Variants in FRMPD3 observed in about 807,000 individuals in gnomAD.
FRMPD3 encodes FERM and PDZ domain containing 3.
A neutral mutation model predicts 97.9 loss-of-function variants in FRMPD3; 42 were observed. That is an observed-to-expected ratio of 0.43 (90% CI 0.34 to 0.55). The LOEUF (loss-of-function observed/expected upper bound fraction) is 0.55, where lower values mean the gene tolerates loss of function less well. FRMPD3 is among the 20% of genes least tolerant of loss of function. The probability of loss-of-function intolerance (pLI) is 0.03; values close to 1 mark genes in which losing one functional copy is unlikely to be tolerated. For missense variants in FRMPD3, 1,303 were observed against 1,457.7 expected (o/e 0.89, Z 1.73); for synonymous variants, 577 against 581.1 (o/e 0.99, Z 0.10).
At chrX:107,511,757 T>C (rs1428094613) in intron 1 of FRMPD3, among the ~76,000 whole-genome samples, 1 of 112,538 alleles carries the variant, frequency 8.9e-6, no homozygotes, top group African/African-American at 3.2e-5. Flanking sequence ...CTGCTCCCCC[T>C]GTCTGCCCTC....
intron 9 of FRMPD3, 129 bp from the exon 10 acceptor site, chrX:107,560,598 C>A: frequency 1.1e-6 from 1 of 906,464 alleles, no homozygotes; most frequent in South Asian, 2.6e-5. Context: ...TATCCCTGTC[C>A]CTTTTTCTTT....
intron 1 of FRMPD3, among the ~76,000 whole-genome samples, chrX:107,500,530 A>C (rs1264459192): frequency 8.9e-6 from 1 of 111,863 alleles, no homozygotes; most frequent in Admixed American, 9.4e-5. Context: ...GCCGTGGCTC[A>C]TGCCTGTAAT....
chrX:107,452,941 G>A (rs1385087392), intron 1 of FRMPD3, among the ~76,000 whole-genome samples: 1 of 110,294 alleles, frequency 9.1e-6, no homozygotes, highest in Non-Finnish European at 1.9e-5. Flanking sequence ...GAGGAGTCTC[G>A]GGTGGGATGA....
intron 14 of FRMPD3, among the ~76,000 whole-genome samples, chrX:107,599,967 A>T (rs1341738187): frequency 8.9e-6 from 1 of 111,917 alleles, no homozygotes; most frequent in Non-Finnish European, 1.9e-5. Flanking sequence ...GCAGATCAAA[A>T]ATATTTGAAA....
chrX:107,603,031 G>A lies in FRMPD3; in HGVS notation c.4992G>A (p.Gln1664=). 1 of 1,211,337 alleles carries A rather than the reference G, an allele frequency of 8.3e-7. No individual in the cohort carries two copies. The highest frequency in any genetic ancestry group is 1.1e-6 in the Non-Finnish European group (1 of 895,549). Residue 1664 remains glutamine (Q), a synonymous_variant, in exon 15 of 15, where the codon CAG becomes CAA. Coordinates refer to ENST00000683843, the MANE Select transcript of FRMPD3 (RefSeq NM_001388459.1). ...TGGCAGCCATCACGGGCAGCTTCCAGGTGCTGAGCAGCCTCATTGAGACCT... is the reference window on the plus strand; with the variant it reads ...TGGCAGCCATCACGGGCAGCTTCCAAGTGCTGAGCAGCCTCATTGAGACCT... The part of the protein sequence containing the change: ...HMLAAITGSF[Q]VLSSLIETFV...
chrX:107,531,263 G>C (rs1214099685), intron 3 of FRMPD3, among the ~76,000 whole-genome samples: 1 of 110,598 alleles, frequency 9.0e-6, no homozygotes, highest in Non-Finnish European at 1.9e-5. Flanking sequence ...GCTAACCTCA[G>C]TTTGGGGGAG....
intron 1 of FRMPD3, among the ~76,000 whole-genome samples, chrX:107,479,471 T>C (rs999402999): frequency 1.1e-4 from 12 of 112,405 alleles, no homozygotes; most frequent in Admixed American, 1.9e-4. Flanking sequence ...GTAGAAACTT[T>C]TGTTTATTTA....
In FRMPD3 at chrX:107,487,287, C is replaced by T. The variant is rs561315740; in HGVS notation, c.-8+37282C>T. Among the ~76,000 whole-genome samples, 5 of 110,380 alleles carry T rather than the reference C, an allele frequency of 4.5e-5. 1 individual carries two copies. In the South Asian group the frequency reaches 1.9e-3, roughly 43 times the overall value. ...TTTTAAAAAATGAAAAAATAATTATCAAAAAGAAATGGGATCCAGGGAAAA... is the reference window on the plus strand; with the variant it reads ...TTTTAAAAAATGAAAAAATAATTATTAAAAAGAAATGGGATCCAGGGAAAA... On this transcript the variant is annotated intron_variant, in intron 1 of 14. Transcript: ENST00000683843.
chrX:107,467,217 A>G (rs1188652372), intron 1 of FRMPD3, among the ~76,000 whole-genome samples: 1 of 111,257 alleles, frequency 9.0e-6, no homozygotes, highest in Non-Finnish European at 1.9e-5. Context: ...TTTGTCATCA[A>G]TGAAACAGAT....
At chrX:107,575,803 G>C (rs2147616507) in intron 12 of FRMPD3, among the ~76,000 whole-genome samples, 1 of 112,269 alleles carries the variant, frequency 8.9e-6, no homozygotes, top group African/African-American at 3.2e-5. Flanking sequence ...GGCCCAAAAG[G>C]CAGAGTTACA....
At chrX:107,515,922 C>T (rs985917489) in intron 1 of FRMPD3, among the ~76,000 whole-genome samples, 79 of 110,806 alleles carry the variant, frequency 7.1e-4, no homozygotes, top group African/African-American at 2.3e-3. Context: ...ATGTGCACAA[C>T]GTGCAGGTTA....
At chrX:107,537,546 A>G (rs771713729) in intron 4 of FRMPD3, among the ~76,000 whole-genome samples, 21 of 111,832 alleles carry the variant, frequency 1.9e-4, no homozygotes, top group Non-Finnish European at 3.4e-4. Flanking sequence ...ATAAGCCAGT[A>G]ATAACACCGG....
rs1183537590 is a variant in FRMPD3 at position 107,452,861 on chromosome X, C to G, written c.-8+2856C>G. On this transcript the variant is annotated intron_variant, in intron 1 of 14. Transcript: ENST00000683843. ...AGATTGAAAAAGTGCAACAAGAAAGCCCTGGGATTGCTGATGATAGCAGCA... is the reference window on the plus strand; with the variant it reads ...AGATTGAAAAAGTGCAACAAGAAAGGCCTGGGATTGCTGATGATAGCAGCA... Among the ~76,000 whole-genome samples, 3 of 105,512 alleles carry G rather than the reference C, an allele frequency of 2.8e-5. No individual in the cohort carries two copies. In the Admixed American group the frequency reaches 3.0e-4, roughly 11 times the overall value. 91.6% of individuals were successfully genotyped at this position (105,512 alleles called of 115,157 possible).
intron 1 of FRMPD3, among the ~76,000 whole-genome samples, chrX:107,493,483 C>T (rs953472990): frequency 1.8e-5 from 2 of 111,880 alleles, no homozygotes; most frequent in Non-Finnish European, 3.8e-5. Context: ...AAGAATATTG[C>T]AAGATCTCCT....
At chrX:107,594,789 G>A (rs1924087604) in intron 13 of FRMPD3, among the ~76,000 whole-genome samples, 1 of 111,488 alleles carries the variant, frequency 9.0e-6, no homozygotes, top group South Asian at 3.7e-4. Flanking sequence ...GCTGAGGCAG[G>A]AGAATCGCTT....
chrX:107,465,319 A>T (rs1479208164), intron 1 of FRMPD3, among the ~76,000 whole-genome samples: 1 of 110,376 alleles, frequency 9.1e-6, no homozygotes, highest in Non-Finnish European at 1.9e-5. Context: ...AAAAATACAA[A>T]AATTAACCAG....
At chrX:107,582,144 T>G (rs1367986980) in intron 13 of FRMPD3, among the ~76,000 whole-genome samples, 1 of 111,682 alleles carries the variant, frequency 9.0e-6, no homozygotes, top group African/African-American at 3.3e-5. Flanking sequence ...ATTGGAGGGT[T>G]AAATTTTAAC....
chrX:107,526,119 G>A (rs1167471758), intron 1 of FRMPD3, among the ~76,000 whole-genome samples: 1 of 111,393 alleles, frequency 9.0e-6, no homozygotes, highest in African/African-American at 3.3e-5. Context: ...TATTGCATCA[G>A]GGCTTCATGA....
chrX:107,581,387 A>G (rs1365005163), intron 13 of FRMPD3, among the ~76,000 whole-genome samples: 3 of 110,461 alleles, frequency 2.7e-5, no homozygotes, highest in African/African-American at 6.6e-5. Context: ...CTGGGATTAC[A>G]GGCATGAGCC....
Sources: allele counts gnomAD v4.1 joint callset (sites outside exome capture counted in the v4.1 genomes callset), GRCh38; gene constraint gnomAD v4.1.1; transcripts MANE v1.5; gene names NCBI Gene and HGNC (gene_info 2026-07-23, HGNC 2026-07-21).